The following PDE7B variants were observed in gnomAD, a reference collection of about 807,000 sequenced individuals.
The protein encoded by PDE7B is phosphodiesterase 7B.
PDE7B carries 29 observed loss-of-function variants against 56.2 expected under a neutral mutation model. That is an observed-to-expected ratio of 0.52 (90% CI 0.38 to 0.70). PDE7B has a LOEUF of 0.70. Ranked by LOEUF, PDE7B falls within the 30% of genes least tolerant of loss-of-function variation. The pLI is 0.00. For synonymous variants in PDE7B, 197 were observed against 196.9 expected (o/e 1.00, Z 0.00); for missense variants, 490 against 565.0 (o/e 0.87, Z 1.35).
In PDE7B at chr6:136,118,995, CT is replaced by C. The variant is rs1478067646; in HGVS notation, c.166+10184del. On this transcript the variant is annotated intron_variant, in intron 3 of 12. Coordinates refer to ENST00000308191, the MANE Select transcript of PDE7B (RefSeq NM_018945.4). ...ACATTTCATCGCCTGACCTTGTGTT[CT>C]TTGATAAGAAAGAAAAGGGCGTGGT... Among the ~76,000 whole-genome samples, 3 of 152,196 alleles carry C rather than the reference CT, an allele frequency of 2.0e-5. No homozygotes were observed. The East Asian group carries it at 5.8e-4, about 29-fold the overall frequency.
chr6:136,034,029 A>C (rs1776286191), intron 2 of PDE7B: 1 of 152,166 alleles, frequency 6.6e-6, no homozygotes, highest in African/African-American at 2.4e-5. Flanking sequence ...GGTATAAAAC[A>C]ATTCCAAAAT....
chr6:135,879,287 C>G (rs1775560847), intron 1 of PDE7B, among the ~76,000 whole-genome samples: 1 of 152,052 alleles, frequency 6.6e-6, no homozygotes, highest in Admixed American at 6.6e-5. Context: ...GTAAATAGAC[C>G]TTTTCCCCTC....
intron 1 of PDE7B, among the ~76,000 whole-genome samples, chr6:135,877,752 C>CAAAAAAAAAAA (rs75061563): frequency 5.6e-5 from 5 of 89,072 alleles, no homozygotes; most frequent in East Asian, 3.8e-4. Context: ...CAAAACAAAA[C>CAAAAAAAAAAA]AAAAAAAAAA....
At chr6:136,037,884 G>A (rs1217101007) in intron 2 of PDE7B, 4 of 984,440 alleles carry the variant, frequency 4.1e-6, no homozygotes, top group Non-Finnish European at 4.8e-6. Flanking sequence ...GAACCTCGAT[G>A]GCTTTTTTTT....
At chr6:135,963,638 A>G (rs2128201811) in intron 2 of PDE7B, among the ~76,000 whole-genome samples, 1 of 152,274 alleles carries the variant, frequency 6.6e-6, no homozygotes, top group South Asian at 2.1e-4. Flanking sequence ...CAGCTTTTCT[A>G]CCATCAACAT....
chr6:135,887,858 T>C (rs893786051), intron 1 of PDE7B, among the ~76,000 whole-genome samples: 2 of 152,156 alleles, frequency 1.3e-5, no homozygotes, highest in African/African-American at 2.4e-5. Flanking sequence ...TCTCATTGTT[T>C]CTAGCAGCCA....
At position 136,187,028 on chromosome 6, in the gene PDE7B, C is replaced by A. The variant is rs764862817; in HGVS notation, c.1046-8C>A. The A allele has an allele frequency of 6.9e-7, 1 of 1,458,682 alleles. No individual in the cohort carries two copies. Among genetic ancestry groups the A allele is most frequent in the Non-Finnish European group, 9.6e-7 (1 of 1,043,698 alleles). 90.4% of individuals were successfully genotyped at this position (1,458,682 alleles called of 1,614,324 possible). On this transcript the variant is annotated splice_region_variant and splice_polypyrimidine_tract_variant and intron_variant, in intron 11 of 12. Transcript: ENST00000308191. ...AATGTGTTTTTTTCTTTCTTTCTTT[C>A]TTCTTAGGTGAACTTGAACAGAAAT...
At chr6:136,053,698 C>T (rs1317502749) in intron 2 of PDE7B, among the ~76,000 whole-genome samples, 5 of 152,192 alleles carry the variant, frequency 3.3e-5, no homozygotes, top group Non-Finnish European at 7.3e-5. Context: ...GTTCCTATTT[C>T]TCCACATCCT....
intron 2 of PDE7B, among the ~76,000 whole-genome samples, chr6:136,099,955 G>T (rs543579162): frequency 6.6e-6 from 1 of 152,262 alleles, no homozygotes; most frequent in East Asian, 1.9e-4. Flanking sequence ...TTTGTATAAG[G>T]TATAAGGAAG....
chr6:135,930,813 A>G (rs1026545973), intron 1 of PDE7B, among the ~76,000 whole-genome samples: 10 of 152,206 alleles, frequency 6.6e-5, no homozygotes, highest in Non-Finnish European at 1.2e-4. Flanking sequence ...AGACTACAAT[A>G]TACTTTCATG....
intron 4 of PDE7B, 36 bp from the exon 5 acceptor site, chr6:136,149,051 A>G (rs374267210): frequency 2.0e-5 from 29 of 1,459,064 alleles, no homozygotes; most frequent in Non-Finnish European, 2.4e-5. Context: ...CTCCAGTGTG[A>G]TTCATTTGCG....
intron 2 of PDE7B, among the ~76,000 whole-genome samples, chr6:136,083,694 G>A (rs1777242611): frequency 1.3e-5 from 2 of 152,112 alleles, no homozygotes; most frequent in South Asian, 2.1e-4. Context: ...TTAGTATGAA[G>A]TGTACTAAAT....
At chr6:136,048,294 C>A (rs1776556380) in intron 2 of PDE7B, among the ~76,000 whole-genome samples, 1 of 152,012 alleles carries the variant, frequency 6.6e-6, no homozygotes, top group Non-Finnish European at 1.5e-5. Flanking sequence ...GAGGCCGAGG[C>A]AGGTGGATCA....
chr6:136,020,915 C>T (rs906148554), intron 2 of PDE7B, among the ~76,000 whole-genome samples: 1 of 152,116 alleles, frequency 6.6e-6, no homozygotes, highest in South Asian at 2.1e-4. Context: ...ATGCATTTTA[C>T]CATTGCATGA....
intron 2 of PDE7B, chr6:136,070,292 A>G (rs1194516187): frequency 1.3e-5 from 2 of 152,198 alleles, no homozygotes; most frequent in Non-Finnish European, 2.9e-5. Context: ...ATTGAACAGG[A>G]GAGGAAATCC....
At position 136,010,655 on chromosome 6, in the gene PDE7B, G is replaced by T. The variant is rs1175966055; in HGVS notation, c.82+63131G>T. 4.6e-5 allele frequency among the ~76,000 whole-genome samples: 7 copies of T among 151,954 alleles called. No individual in the cohort carries two copies. The East Asian group carries it at 1.4e-3, about 29-fold the overall frequency. On this transcript the variant is annotated intron_variant, in intron 2 of 12. Transcript: ENST00000308191. ...TTTTTTTCTTTTTCTGTGAGACAGA[G>T]TCTCGCTCTGTCACCAAGGCTGGAG...
At position 136,191,757 on chromosome 6, in the gene PDE7B, A is replaced by AGGG; in HGVS notation, c.1272_1274dup (p.Gly425dup). On this transcript the variant is annotated inframe_insertion, in exon 13 of 13. Transcript: ENST00000308191. The stretch of plus-strand genomic sequence containing the variant: ...CCTGTTGCCCAGGCAGCACAGAAGC[A>AGGG]GGGGCAGCAGTGGCAGCGGGCCTGA... 3 of 1,599,134 alleles carry AGGG rather than the reference A, an allele frequency of 1.9e-6. No homozygotes were observed. The highest frequency in any genetic ancestry group is 2.6e-6 in the Non-Finnish European group (3 of 1,173,064).
intron 2 of PDE7B, among the ~76,000 whole-genome samples, chr6:136,077,477 G>A (rs1196286410): frequency 1.3e-5 from 2 of 151,110 alleles, no homozygotes; most frequent in Non-Finnish European, 3.0e-5. Context: ...TGAAAAAAGG[G>A]AAATGTTTTG....
chr6:135,910,621 C>T (rs1183696650), intron 1 of PDE7B, among the ~76,000 whole-genome samples: 1 of 152,106 alleles, frequency 6.6e-6, no homozygotes, highest in African/African-American at 2.4e-5. Flanking sequence ...TTAGGGTTCA[C>T]TTTTGGTGTT....
Sources: gnomAD v4.1 joint callset for allele counts (sites outside exome capture counted in the v4.1 genomes callset) on GRCh38, gnomAD v4.1.1 for gene constraint, MANE v1.5 for transcripts, NCBI Gene and HGNC (gene_info 2026-07-23, HGNC 2026-07-21) for gene names.